SLC39A11: variants seen among roughly 807,000 people sequenced by gnomAD.
SLC39A11 encodes the protein zinc transporter ZIP11.
Under a neutral mutation model 36.1 loss-of-function variants are expected in SLC39A11, and 33 were observed. The observed-to-expected ratio is 0.91, with a 90% CI of 0.69 to 1.22. The LOEUF (loss-of-function observed/expected upper bound fraction) is 1.22. Among genes scored for constraint, SLC39A11 ranks in the 50% most tolerant of loss-of-function variants. The pLI, the probability that SLC39A11 is intolerant of heterozygous loss-of-function variation, is 0.00. For missense variants in SLC39A11, 432 were observed against 430.3 expected (o/e 1.00, Z -0.03); for synonymous variants, 166 against 170.3 (o/e 0.97, Z 0.20).
intron 7 of SLC39A11, among the ~76,000 whole-genome samples, chr17:72,676,229 A>G (rs1346333164): frequency 6.6e-6 from 1 of 152,220 alleles, no homozygotes; most frequent in African/African-American, 2.4e-5. Context: ...GCAAAATAGA[A>G]ATAGAGGGCT....
intron 4 of SLC39A11, 79 bp downstream of exon 4, chr17:73,031,477 C>A: frequency 6.7e-7 from 1 of 1,489,018 alleles, no homozygotes; most frequent in South Asian, 1.2e-5. Flanking sequence ...ACAGGTATGT[C>A]AGGTTTGATC....
At position 73,082,280 on chromosome 17, in the gene SLC39A11, T is replaced by A. The variant is rs374516928; in HGVS notation, c.147+2528A>T. Reference sequence around the variant, plus strand: ...CTATTAGTGATAGGAAAGAGATACATAAGAATAAATAATATATAAGAAACC... The same window carrying A: ...CTATTAGTGATAGGAAAGAGATACAAAAGAATAAATAATATATAAGAAACC... On this transcript the variant is annotated intron_variant, in intron 3 of 9. Coordinates refer to ENST00000255559, the MANE Select transcript of SLC39A11 (RefSeq NM_139177.4). Among the ~76,000 whole-genome samples the A allele has an allele frequency of 6.6e-5, 10 of 151,928 alleles. No homozygotes were observed. The East Asian group carries it at 7.7e-4, about 12-fold the overall frequency.
intron 5 of SLC39A11, among the ~76,000 whole-genome samples, chr17:72,883,192 G>A (rs1404313633): frequency 2.0e-5 from 3 of 152,178 alleles, no homozygotes; most frequent in Non-Finnish European, 4.4e-5. Context: ...GCGCATGTGA[G>A]TGGAAAGTGC....
intron 7 of SLC39A11, among the ~76,000 whole-genome samples, chr17:72,719,786 T>A (rs958170501): frequency 1.3e-5 from 2 of 151,974 alleles, no homozygotes; most frequent in South Asian, 4.1e-4. Flanking sequence ...AGATGTCCAA[T>A]CCCTGTCGCC....
chr17:72,855,958 C>G (rs902339419), intron 5 of SLC39A11, among the ~76,000 whole-genome samples: 1 of 151,570 alleles, frequency 6.6e-6, no homozygotes, highest in Non-Finnish European at 1.5e-5. Flanking sequence ...TCTTGTTTCC[C>G]AAAGAATCAG....
chr17:72,692,697 C>T (rs1174301982), intron 7 of SLC39A11, among the ~76,000 whole-genome samples: 1 of 152,104 alleles, frequency 6.6e-6, no homozygotes, highest in Non-Finnish European at 1.5e-5. Context: ...TGAATGGGGA[C>T]ACAGCCAAAC....
chr17:72,979,114 G>A (rs569986657), intron 4 of SLC39A11, among the ~76,000 whole-genome samples: 21 of 152,180 alleles, frequency 1.4e-4, no homozygotes, highest in South Asian at 4.1e-4. Context: ...CCCCCATGCT[G>A]TTCTCGTGAT....
Position 72,649,202 on chromosome 17 carries a change from T to A in SLC39A11, c.738A>T (p.Arg246=). The change falls in exon 8 of 10, where the codon CGA becomes CGT. Residue 246 remains arginine, a synonymous_variant. Coordinates refer to ENST00000255559, the MANE Select transcript of SLC39A11 (RefSeq NM_139177.4). The part of the protein sequence containing the change: ...PEGLAVSLPL[R]GAGFSTWRAF... ...CTCTCCAGGTGGAGAAGCCTGCCCC[T>A]CGCAAGGGAAGGCTGACAGCCAGGC... 6.2e-7 allele frequency: 1 copy of A among 1,614,160 alleles called. No individual in the cohort carries two copies.
chr17:72,996,984 G>C (rs997078034), intron 4 of SLC39A11, among the ~76,000 whole-genome samples: 7 of 152,156 alleles, frequency 4.6e-5, no homozygotes, highest in Non-Finnish European at 7.4e-5. Context: ...ACTTGGGGCA[G>C]AGCCACCCTC....
intron 7 of SLC39A11, among the ~76,000 whole-genome samples, chr17:72,677,794 T>C (rs148436270): frequency 6.6e-6 from 1 of 151,824 alleles, no homozygotes; most frequent in Non-Finnish European, 1.5e-5. Flanking sequence ...CACAGCAGAG[T>C]AGAGGGCCAG....
chr17:73,084,356 G>A (rs562866517), intron 3 of SLC39A11, among the ~76,000 whole-genome samples: 1 of 140,434 alleles, frequency 7.1e-6, no homozygotes, highest in Non-Finnish European at 1.5e-5. Context: ...AGGATCACCT[G>A]AGTCCAGAGA....
At chr17:73,088,952 T>C (rs1355244828) in intron 1 of SLC39A11, among the ~76,000 whole-genome samples, 177 bp from the exon 2 acceptor site, 1 of 152,116 alleles carries the variant, frequency 6.6e-6, no homozygotes, top group African/African-American at 2.4e-5. Context: ...CAGGCTTCTC[T>C]ATCCAGGTCC....
rs2069606715 is a variant in SLC39A11 at position 72,647,462 on chromosome 17, T to C, written c.*122A>G. The C allele has an allele frequency of 1.4e-6, 1 of 698,526 alleles. No individual in the cohort carries two copies. The highest frequency in any genetic ancestry group is 2.8e-5 in the Admixed American group (1 of 36,228). 43.3% of individuals were successfully genotyped at this position (698,526 alleles called of 1,614,324 possible). ...TTATAATCAGAGTCAATCAGGATAA[T>C]GAGATGAAGAAGAGAGGAAGGAAAA... On this transcript the variant is annotated 3_prime_UTR_variant, in exon 10 of 10. Coordinates refer to ENST00000255559, the MANE Select transcript of SLC39A11 (RefSeq NM_139177.4).
At chr17:72,826,697 C>G (rs1174948614) in intron 6 of SLC39A11, among the ~76,000 whole-genome samples, 1 of 152,100 alleles carries the variant, frequency 6.6e-6, no homozygotes, top group African/African-American at 2.4e-5. Context: ...AAAGTAAGAA[C>G]TACTATTGTG....
chr17:72,811,232 A>G (rs1314212971), intron 6 of SLC39A11, among the ~76,000 whole-genome samples: 1 of 152,008 alleles, frequency 6.6e-6, no homozygotes, highest in Non-Finnish European at 1.5e-5. Context: ...CAGACTGCCA[A>G]CTTCTTCCTG....
At chr17:72,696,451 G>C (rs1235349009) in intron 7 of SLC39A11, among the ~76,000 whole-genome samples, 1 of 152,196 alleles carries the variant, frequency 6.6e-6, no homozygotes, top group Non-Finnish European at 1.5e-5. Context: ...GGCTCAGGGA[G>C]GGTAAGTGAC....
At chr17:72,841,137 A>AC (rs1347684991) in intron 6 of SLC39A11, among the ~76,000 whole-genome samples, 14 of 152,190 alleles carry the variant, frequency 9.2e-5, no homozygotes, top group African/African-American at 3.1e-4. Context: ...TACCCAATGC[A>AC]CCAGTTCTTC....
chr17:72,852,171 C>T (rs1327494971), intron 5 of SLC39A11, among the ~76,000 whole-genome samples: 2 of 114,212 alleles, frequency 1.8e-5, no homozygotes, highest in African/African-American at 6.3e-5. Context: ...CGCGGCTGCA[C>T]TCCAGCCTGG....
intron 6 of SLC39A11, among the ~76,000 whole-genome samples, chr17:72,841,971 C>T (rs1468736191): frequency 6.6e-6 from 1 of 151,736 alleles, no homozygotes; most frequent in African/African-American, 2.4e-5. Flanking sequence ...ACTCAGGAGG[C>T]TGAGGTGGGA....
Sources: allele counts gnomAD v4.1 joint callset (sites outside exome capture counted in the v4.1 genomes callset), GRCh38; gene constraint gnomAD v4.1.1; transcripts MANE v1.5; gene names NCBI Gene and HGNC (gene_info 2026-07-23, HGNC 2026-07-21).